Variants in EHMT1 observed in about 807,000 individuals in gnomAD.
The protein encoded by EHMT1 is euchromatic histone lysine methyltransferase 1, also known as histone-lysine N-methyltransferase EHMT1.
In EHMT1, 15 loss-of-function variants were observed where a neutral mutation model predicts 147.2. The observed-to-expected ratio is 0.10, with a 90% CI of 0.07 to 0.16. The LOEUF (loss-of-function observed/expected upper bound fraction) is 0.16. Ranked by LOEUF, EHMT1 falls within the 10% of genes least tolerant of loss-of-function variation. The probability of loss-of-function intolerance (pLI) is 1.00; values close to 1 mark genes in which losing one functional copy is unlikely to be tolerated. For missense variants in EHMT1, 1,587 were observed against 1,772.4 expected (o/e 0.90, Z 1.88); for synonymous variants, 795 against 709.6 (o/e 1.12, Z -1.91).
intron 1 of EHMT1, among the ~76,000 whole-genome samples, chr9:137,650,666 C>CTTTT (rs75230304): frequency 5.8e-5 from 7 of 121,586 alleles, no homozygotes; most frequent in African/African-American, 1.3e-4. Flanking sequence ...GGACCCCCCG[C>CTTTT]TTTTTTTTTT....
At chr9:137,823,255 C>T (rs1430255751) in intron 25 of EHMT1, among the ~76,000 whole-genome samples, 1 of 151,664 alleles carries the variant, frequency 6.6e-6, no homozygotes, top group South Asian at 2.1e-4. Context: ...CCCACCACCA[C>T]GCCCAGCTAA....
At chr9:137,684,167 C>A (rs1473763040) in intron 1 of EHMT1, among the ~76,000 whole-genome samples, 1 of 151,896 alleles carries the variant, frequency 6.6e-6, no homozygotes, top group Non-Finnish European at 1.5e-5. Context: ...TCTTGAGTAG[C>A]TGGGACAGGA....
At chr9:137,701,539 A>G (rs1227834623) in intron 1 of EHMT1, among the ~76,000 whole-genome samples, 10 of 150,904 alleles carry the variant, frequency 6.6e-5, no homozygotes, top group Non-Finnish European at 1.3e-4. Context: ...GCTCACTGCA[A>G]CCTCTGCCTC....
At chr9:137,661,372 C>A (rs950974760) in intron 1 of EHMT1, among the ~76,000 whole-genome samples, 1 of 151,796 alleles carries the variant, frequency 6.6e-6, no homozygotes, top group Non-Finnish European at 1.5e-5. Context: ...CTAGACTGCT[C>A]AACAGAACTA....
At chr9:137,797,926 T>C (rs1204241523) in intron 16 of EHMT1, among the ~76,000 whole-genome samples, 2 of 152,208 alleles carry the variant, frequency 1.3e-5, no homozygotes, top group East Asian at 1.9e-4. Flanking sequence ...GGCGTGTGGA[T>C]GGCACAGCGG....
chr9:137,759,901 G>A (rs528784036), intron 9 of EHMT1, among the ~76,000 whole-genome samples: 1 of 152,316 alleles, frequency 6.6e-6, no homozygotes, highest in Admixed American at 6.5e-5. Context: ...GAGCGGGTCA[G>A]TGGGGGCAGG....
chr9:137,619,068 G>T lies in EHMT1; in HGVS notation c.21+19G>T, dbSNP rs1324498891. 2.3e-6 allele frequency: 2 copies of T among 874,652 alleles called. No individual in the cohort carries two copies. The highest frequency in any genetic ancestry group is 5.0e-5 in the South Asian group (1 of 20,048). The allele number at this position is 874,652 out of a possible 1,614,324, so 54.2% of individuals were successfully genotyped here. ...TGCCGAGGTGAGCAGCGGGGCCGGC[G>T]GGGGGCGGCGCGGGGGCGGCGGGCA... On this transcript the variant is annotated intron_variant, in intron 1 of 26. Transcript: ENST00000460843.
At chr9:137,758,130 C>T (rs948747030) in intron 9 of EHMT1, 119 bp downstream of exon 9, 16 of 1,355,340 alleles carry the variant, frequency 1.2e-5, no homozygotes, top group African/African-American at 4.3e-5. Flanking sequence ...GGGTTAACTG[C>T]ATCACTTCCA....
At chr9:137,816,464 G>A (rs2132768487) in intron 23 of EHMT1, 2 of 336,006 alleles carry the variant, frequency 6.0e-6, no homozygotes, top group East Asian at 7.9e-5. Flanking sequence ...CTAACAGTGA[G>A]GTGATGTCCC....
intron 10 of EHMT1, among the ~76,000 whole-genome samples, chr9:137,768,291 C>A (rs11137214): frequency 6.0e-5 from 9 of 150,350 alleles, no homozygotes; most frequent in Non-Finnish European, 1.3e-4. Context: ...AGGCTAACAT[C>A]GTAATAGTTT....
chr9:137,747,849 G>A (rs138060843), intron 6 of EHMT1: 9 of 151,876 alleles, frequency 5.9e-5, no homozygotes, highest in South Asian at 2.1e-4. Context: ...AGTGCTAACC[G>A]TGTAGGATGG....
At position 137,823,002 on chromosome 9, in the gene EHMT1, C is replaced by T. The variant is rs376519047; in HGVS notation, c.3540+4864C>T. Among the ~76,000 whole-genome samples the T allele has an allele frequency of 9.9e-4, 150 of 152,080 alleles. 1 individual carries two copies. The East Asian group carries it at 0.024, about 24-fold the overall frequency. On this transcript the variant is annotated intron_variant, in intron 25 of 26. Transcript: ENST00000460843. Reference sequence around the variant, plus strand: ...CTGGAATGCAGTGGCACAATCTCGGCTCACTGCAACGTCTGCCTCCTGGGT... The same window carrying T: ...CTGGAATGCAGTGGCACAATCTCGGTTCACTGCAACGTCTGCCTCCTGGGT...
chr9:137,689,032 G>A (rs182529531), intron 1 of EHMT1, among the ~76,000 whole-genome samples: 3 of 152,140 alleles, frequency 2.0e-5, no homozygotes, highest in Admixed American at 6.5e-5. Flanking sequence ...GACAGTGACC[G>A]CTTGTTCTGC....
At chr9:137,810,094 G>T (rs1324840294) in intron 18 of EHMT1, among the ~76,000 whole-genome samples, 1 of 137,504 alleles carries the variant, frequency 7.3e-6, no homozygotes, top group Non-Finnish European at 1.5e-5. Context: ...TTCGGATGCC[G>T]CCCTGTGTGG....
chr9:137,781,527 G>T (rs539581303), intron 14 of EHMT1, among the ~76,000 whole-genome samples: 4 of 152,202 alleles, frequency 2.6e-5, no homozygotes, highest in Non-Finnish European at 4.4e-5. Context: ...TGTGCTGATC[G>T]CAGCAGCTGT....
chr9:137,753,983 G>A (rs927030902), intron 7 of EHMT1, among the ~76,000 whole-genome samples, 188 bp from the exon 8 acceptor site: 2 of 152,208 alleles, frequency 1.3e-5, no homozygotes, highest in Non-Finnish European at 2.9e-5. Flanking sequence ...AGCTGAGAGA[G>A]TTAGGGAAAA....
At chr9:137,674,374 A>G (rs576590132) in intron 1 of EHMT1, among the ~76,000 whole-genome samples, 31 of 152,244 alleles carry the variant, frequency 2.0e-4, no homozygotes, top group Admixed American at 1.1e-3. Flanking sequence ...ATATAAATTA[A>G]AACCCACAGT....
intron 10 of EHMT1, among the ~76,000 whole-genome samples, chr9:137,765,740 A>T (rs1388843021): frequency 7.0e-6 from 1 of 142,070 alleles, no homozygotes; most frequent in Non-Finnish European, 1.5e-5. Flanking sequence ...CTCTGTCCCG[A>T]CTCCCACAAC....
intron 3 of EHMT1, among the ~76,000 whole-genome samples, chr9:137,727,737 A>G (rs1159578804): frequency 1.3e-5 from 2 of 152,230 alleles, no homozygotes; most frequent in Non-Finnish European, 2.9e-5. Flanking sequence ...GCAATGAAGG[A>G]GGTACTGGGA....
Sources: allele counts gnomAD v4.1 joint callset (sites outside exome capture counted in the v4.1 genomes callset), GRCh38; gene constraint gnomAD v4.1.1; transcripts MANE v1.5; gene names NCBI Gene and HGNC (gene_info 2026-07-23, HGNC 2026-07-21).